Variants in CCDC88A observed in about 807,000 individuals in gnomAD.
CCDC88A encodes the protein coiled-coil and HOOK domain protein 88A, also known as girdin.
In CCDC88A, 54 loss-of-function variants were observed where a neutral mutation model predicts 234.3. The observed-to-expected ratio is 0.23, with a 90% CI of 0.19 to 0.29. CCDC88A has a LOEUF of 0.29. Ranked by LOEUF, CCDC88A falls within the 10% of genes least tolerant of loss-of-function variation. The pLI is 1.00. For synonymous variants in CCDC88A, 753 were observed against 737.8 expected, an observed-to-expected ratio of 1.02 and a Z score of -0.33; for missense variants, 1,832 against 2,123.4, an observed-to-expected ratio of 0.86 and a Z score of 2.70.
At chr2:55,406,857 T>C (rs1679677640) in intron 2 of CCDC88A, among the ~76,000 whole-genome samples, 1 of 152,226 alleles carries the variant, frequency 6.6e-6, no homozygotes, top group South Asian at 2.1e-4. Context: ...TTAACAGTTA[T>C]GTTATCGATG....
chr2:55,394,404 G>A (rs1354088625), intron 2 of CCDC88A: 1 of 152,072 alleles, frequency 6.6e-6, no homozygotes, highest in Non-Finnish European at 1.5e-5. Context: ...GTTTGCATGT[G>A]TCTTTATAGC....
At chr2:55,355,100 G>A (rs3861571) in intron 8 of CCDC88A, among the ~76,000 whole-genome samples, 10,052 of 151,514 alleles carry the variant, frequency 0.066, 1,077 homozygotes, top group African/African-American at 0.22. Flanking sequence ...CCTTTACTAA[G>A]TACGTAACTC....
Position 55,419,146 on chromosome 2 carries a change from CGTGGAA to C in CCDC88A, c.-73_-68del. 1.1e-6 allele frequency: 1 copy of C among 934,580 alleles called. No individual in the cohort carries two copies. Among genetic ancestry groups the C allele is most frequent in the Admixed American group, 2.0e-5 (1 of 50,258 alleles). 57.9% of individuals were successfully genotyped at this position (934,580 alleles called of 1,614,324 possible). ...TACGCCTAGGGAATTGGTCACTAAA[CGTGGAA>C]GTAAGTAGAAATCAATGAAAGTCCA... On this transcript the variant is annotated 5_prime_UTR_variant, in exon 1 of 33. Transcript: ENST00000436346.
chr2:55,376,405 T>A (rs539166589), intron 3 of CCDC88A, among the ~76,000 whole-genome samples: 1 of 152,124 alleles, frequency 6.6e-6, no homozygotes, highest in Non-Finnish European at 1.5e-5. Flanking sequence ...CAAATAACCA[T>A]GAAAAATAAC....
At chr2:55,409,713 C>G (rs1397712983) in intron 2 of CCDC88A, among the ~76,000 whole-genome samples, 1 of 142,900 alleles carries the variant, frequency 7.0e-6, no homozygotes, top group Non-Finnish European at 1.5e-5. Context: ...TCCATGTAAA[C>G]AGGGGGATGT....
intron 2 of CCDC88A, among the ~76,000 whole-genome samples, chr2:55,416,133 T>C (rs1681342753): frequency 6.6e-6 from 1 of 151,894 alleles, no homozygotes; most frequent in Admixed American, 6.6e-5. Flanking sequence ...GTATTCCATA[T>C]GTTCAAGAAG....
Position 55,294,550 on chromosome 2 carries a change from A to G in CCDC88A, c.5551+1047T>C, listed in dbSNP as rs998728913. 10 of 982,036 alleles carry G rather than the reference A, an allele frequency of 1.0e-5. No homozygotes were observed. The African/African-American group carries it at 1.6e-4, about 15-fold the overall frequency. 60.8% of individuals were successfully genotyped at this position (982,036 alleles called of 1,614,324 possible). A position where few individuals can be genotyped will look rare whatever the true frequency, so the allele number is the denominator to read the frequency against. On this transcript the variant is annotated intron_variant, in intron 31 of 32. Transcript: ENST00000436346. Reference sequence around the variant, plus strand: ...TAATTAAATGACAAAAGAAAACAACATCTTTTTACATTTTCCCTACTGATA... The same window carrying G: ...TAATTAAATGACAAAAGAAAACAACGTCTTTTTACATTTTCCCTACTGATA...
chr2:55,303,359 A>C (rs1681118941), intron 25 of CCDC88A, among the ~76,000 whole-genome samples: 1 of 152,162 alleles, frequency 6.6e-6, no homozygotes, highest in African/African-American at 2.4e-5. Context: ...AATACTTGGA[A>C]AAGCACTGAA....
intron 13 of CCDC88A, chr2:55,338,897 T>A (rs1574172232): frequency 6.6e-6 from 1 of 152,046 alleles, no homozygotes; most frequent in Non-Finnish European, 1.5e-5. Context: ...CAAGAAGATA[T>A]GAGAGAACCA....
intron 7 of CCDC88A, among the ~76,000 whole-genome samples, chr2:55,357,953 C>T (rs537498942): frequency 1.8e-4 from 28 of 152,168 alleles, no homozygotes; most frequent in Non-Finnish European, 3.2e-4. Flanking sequence ...TATTGTAGCA[C>T]GCCTCCTTTA....
At position 55,363,971 on chromosome 2, in the gene CCDC88A, C is replaced by T. The variant is rs374500852; in HGVS notation, c.465G>A (p.Ala155=). 6.7e-5 allele frequency: 107 copies of T among 1,597,366 alleles called. 1 individual carries two copies. Among genetic ancestry groups the T allele is most frequent in the Non-Finnish European group, 6.3e-5 (74 of 1,168,940 alleles). ...IQGLDFDTKA[A]VAAHIQEVTH... ...TTACCTCTTGAATATGTGCGGCAAC[C>T]GCTGCTTTTGTATCAAAATCTAAAC... The change falls in exon 6 of 33, where the codon GCG becomes GCA. Residue 155 remains alanine (A), a synonymous_variant. Transcript: ENST00000436346.
At position 55,336,652 on chromosome 2, in the gene CCDC88A, A is replaced by G. The variant is rs1018407012; in HGVS notation, c.1656+29T>C. 13 of 1,417,730 alleles carry G rather than the reference A, an allele frequency of 9.2e-6. 1 individual carries two copies. In the African/African-American group the frequency reaches 1.5e-4, roughly 16 times the overall value. 87.8% of individuals were successfully genotyped at this position (1,417,730 alleles called of 1,614,324 possible). A position where few individuals can be genotyped will look rare whatever the true frequency, so the allele number is the denominator to read the frequency against. Reference sequence around the variant, plus strand: ...CTTTTGCTAATAAATTTTAAAATACATTGTTTACTTAGTAAAAAATGTATG... The same window carrying G: ...CTTTTGCTAATAAATTTTAAAATACGTTGTTTACTTAGTAAAAAATGTATG... On this transcript the variant is annotated intron_variant, in intron 14 of 32. Transcript: ENST00000436346.
rs931099657 is a variant in CCDC88A at position 55,387,711 on chromosome 2, G to A, written c.273+1067C>T. Among the ~76,000 whole-genome samples, 8 of 148,486 alleles carry A rather than the reference G, an allele frequency of 5.4e-5. No individual in the cohort carries two copies. The Admixed American group carries it at 5.4e-4, about 10-fold the overall frequency. On this transcript the variant is annotated intron_variant, in intron 3 of 32. Coordinates refer to ENST00000436346, the MANE Select transcript of CCDC88A (RefSeq NM_001365480.1). ...GCAGGAGAATCGCTTGAACCCAGGA[G>A]GCAGAGGTTGCAGTGAGATGAGATT...
chr2:55,392,791 C>A (rs181516482), intron 2 of CCDC88A, among the ~76,000 whole-genome samples: 53 of 152,264 alleles, frequency 3.5e-4, no homozygotes, highest in Admixed American at 3.5e-3. Flanking sequence ...TACTAACGAG[C>A]TTACATTTCT....
At chr2:55,384,629 ATG>A (rs1675268039) in intron 3 of CCDC88A, among the ~76,000 whole-genome samples, 1 of 114,352 alleles carries the variant, frequency 8.7e-6, no homozygotes, top group African/African-American at 3.6e-5. Flanking sequence ...ACGTATATAT[ATG>A]TATATATGTG....
At chr2:55,320,244 A>C (rs6761771) in intron 18 of CCDC88A, among the ~76,000 whole-genome samples, 10,795 of 152,178 alleles carry the variant, frequency 0.071, 1,216 homozygotes, top group African/African-American at 0.24. Context: ...GTGAAATACT[A>C]TTGTAGTTTA....
In CCDC88A at chr2:55,317,163, T is replaced by C. The variant is rs888952223; in HGVS notation, c.3746+43A>G. 2.3e-6 allele frequency: 2 copies of C among 871,462 alleles called. No homozygotes were observed. Among genetic ancestry groups the C allele is most frequent in the Non-Finnish European group, 3.2e-6 (2 of 628,244 alleles). 54.0% of individuals were successfully genotyped at this position (871,462 alleles called of 1,614,324 possible). On this transcript the variant is annotated intron_variant, in intron 21 of 32. Transcript: ENST00000436346. The surrounding 1 kb of genome is among the most constrained non-coding windows in gnomAD (Gnocchi z 4.2). Reference sequence around the variant, plus strand: ...TATATACACATATATATGTATATACTTTCTATATAAAATGTTTGTTATATA... The same window carrying C: ...TATATACACATATATATGTATATACCTTCTATATAAAATGTTTGTTATATA...
In CCDC88A at chr2:55,335,601, A is replaced by G. The variant is rs1218747373; in HGVS notation, c.1657-437T>C. On this transcript the variant is annotated intron_variant, in intron 14 of 32. Coordinates refer to ENST00000436346, the MANE Select transcript of CCDC88A (RefSeq NM_001365480.1). The surrounding 1 kb of genome is among the most constrained non-coding windows in gnomAD (Gnocchi z 4.5). ...GTCCTCAGTAAATATGTGCTGTATT[A>G]CATGTGTATATATGGGTTTGTATGT... Among the ~76,000 whole-genome samples, 1 of 152,208 alleles carries G rather than the reference A, an allele frequency of 6.6e-6. No individual in the cohort carries two copies. The highest frequency in any genetic ancestry group is 2.4e-5 in the African/African-American group (1 of 41,454).
intron 26 of CCDC88A, 131 bp from the exon 27 acceptor site, chr2:55,302,203 G>A (rs1680980284): frequency 1.5e-6 from 1 of 682,666 alleles, no homozygotes; most frequent in South Asian, 1.9e-5. Flanking sequence ...ATAACCACAT[G>A]GTCATTTAAA....
Sources: allele counts gnomAD v4.1 joint callset (sites outside exome capture counted in the v4.1 genomes callset), GRCh38; gene constraint gnomAD v4.1.1; non-coding constraint Gnocchi (gnomAD v3.1); transcripts MANE v1.5; gene names NCBI Gene and HGNC (gene_info 2026-07-23, HGNC 2026-07-21).